The following KIF26B variants were observed in gnomAD, a reference collection of about 807,000 sequenced individuals.
The protein encoded by KIF26B is kinesin-like protein KIF26B.
In KIF26B, 63 loss-of-function variants were observed where a neutral mutation model predicts 151.2. The observed-to-expected ratio is 0.42, with a 90% CI of 0.34 to 0.51. The LOEUF (loss-of-function observed/expected upper bound fraction) is 0.51. Ranked by LOEUF, KIF26B falls within the 20% of genes least tolerant of loss-of-function variation. The pLI is 0.07. For missense variants in KIF26B, 2,813 were observed against 2,913.6 expected, an observed-to-expected ratio of 0.97 and a Z score of 0.79; for synonymous variants, 1,357 against 1,262.1, an observed-to-expected ratio of 1.08 and a Z score of -1.59.
At chr1:245,532,098 C>A (rs901687000) in intron 4 of KIF26B, among the ~76,000 whole-genome samples, 1 of 152,006 alleles carries the variant, frequency 6.6e-6, no homozygotes, top group Non-Finnish European at 1.5e-5. Context: ...AAGAAAAAAA[C>A]AAAGCAAACA....
chr1:245,323,642 C>G (rs180673393), intron 2 of KIF26B, among the ~76,000 whole-genome samples: 45 of 152,270 alleles, frequency 3.0e-4, no homozygotes, highest in Non-Finnish European at 4.1e-4. Context: ...AAGTGCCACT[C>G]CAATTTTTAG....
intron 3 of KIF26B, among the ~76,000 whole-genome samples, chr1:245,373,536 A>G (rs2103013839): frequency 6.6e-6 from 1 of 152,300 alleles, no homozygotes; most frequent in Non-Finnish European, 1.5e-5. Context: ...CAAGTAATAA[A>G]TCCATAGTGG....
chr1:245,414,002 A>G (rs2795071), intron 3 of KIF26B, among the ~76,000 whole-genome samples: 96,195 of 152,134 alleles, frequency 0.63, 30,966 homozygotes, highest in Middle Eastern at 0.69. Context: ...ACAGGTGACC[A>G]CCTCAGGACT....
At chr1:245,169,279 G>C (rs568402943) in intron 2 of KIF26B, among the ~76,000 whole-genome samples, 1 of 150,196 alleles carries the variant, frequency 6.7e-6, no homozygotes, top group African/African-American at 2.5e-5. Context: ...TTCTCCTCTT[G>C]TTCTTTGCCC....
intron 4 of KIF26B, among the ~76,000 whole-genome samples, chr1:245,486,177 T>C (rs1351256520): frequency 6.6e-6 from 1 of 152,276 alleles, no homozygotes; most frequent in Non-Finnish European, 1.5e-5. Flanking sequence ...TTTAGGCTTC[T>C]TTCGTAATAG....
chr1:245,520,664 T>C (rs947054813), intron 4 of KIF26B, among the ~76,000 whole-genome samples: 1 of 142,730 alleles, frequency 7.0e-6, no homozygotes. Context: ...ATCCATCCAT[T>C]CTGTAAGTGT....
Position 245,522,036 on chromosome 1 carries a change from A to AT in KIF26B, c.1167-18725dup, listed in dbSNP as rs554807263. 3.5e-4 allele frequency among the ~76,000 whole-genome samples: 53 copies of AT among 151,760 alleles called. No individual in the cohort carries two copies. In the South Asian group the frequency reaches 8.4e-3, roughly 24 times the overall value. On this transcript the variant is annotated intron_variant, in intron 4 of 14. Coordinates refer to ENST00000407071, the MANE Select transcript of KIF26B (RefSeq NM_018012.4). ...AGGCACCCGCCACCATGCCCGGCTA[A>AT]TTTTTTGTATTTTTAGTAGAGACGG...
At chr1:245,633,560 GGTGGTAGTTATT>G in intron 9 of KIF26B, among the ~76,000 whole-genome samples, 1 of 151,846 alleles carries the variant, frequency 6.6e-6, no homozygotes, top group Admixed American at 6.6e-5. Flanking sequence ...GTATTCTCAC[GGTGGTAGTTATT>G]GTCCTTTTGC....
chr1:245,222,887 TCAAA>T (rs958193392), intron 2 of KIF26B, among the ~76,000 whole-genome samples: 1 of 152,238 alleles, frequency 6.6e-6, no homozygotes, highest in African/African-American at 2.4e-5. Flanking sequence ...ATGAAAAATT[TCAAA>T]CATTCAGTAA....
intron 10 of KIF26B, among the ~76,000 whole-genome samples, chr1:245,679,413 AT>A (rs2044398691): frequency 8.5e-6 from 1 of 118,108 alleles, no homozygotes; most frequent in Admixed American, 8.4e-5. Flanking sequence ...TTAAAAAGAC[AT>A]TTTTCTAAAA....
intron 2 of KIF26B, among the ~76,000 whole-genome samples, chr1:245,330,498 G>A (rs1197743204): frequency 7.5e-5 from 1 of 13,308 alleles, no homozygotes; most frequent in African/African-American, 4.9e-4. Flanking sequence ...GGGAGTGGGG[G>A]GAGAGTGGGG....
rs2103515007 is a variant in KIF26B at position 245,156,401 on chromosome 1, A to G, written c.183A>G (p.Ser61=). The G allele has an allele frequency of 1.3e-6, 2 of 1,537,078 alleles. No homozygotes were observed. Among genetic ancestry groups the G allele is most frequent in the South Asian group, 2.4e-5 (2 of 83,558 alleles). ...GSRPTPEGAG[S]ALGSSGTPSP... ...GGCCCACTCCTGAGGGCGCGGGCTC[A>G]GCGCTCGGCTCCTCGGGGACCCCGT... The change falls in exon 2 of 15, where the codon TCA becomes TCG. Residue 61 remains serine (S), a synonymous_variant. Coordinates refer to ENST00000407071, the MANE Select transcript of KIF26B (RefSeq NM_018012.4).
Position 245,166,549 on chromosome 1 carries a change from C to T in KIF26B, c.465+9866C>T, listed in dbSNP as rs950671413. On this transcript the variant is annotated intron_variant, in intron 2 of 14. Transcript: ENST00000407071. The surrounding 1 kb of genome is among the most constrained non-coding windows in gnomAD (Gnocchi z 4.5). ...AATCCCTTCTTTAAGCCCGGCCCCT[C>T]TCGTAGCCCCTCCAGGGAGACTTGC... Among the ~76,000 whole-genome samples, 3 of 152,184 alleles carry T rather than the reference C, an allele frequency of 2.0e-5. No homozygotes were observed. The highest frequency in any genetic ancestry group is 7.2e-5 in the African/African-American group (3 of 41,452).
chr1:245,675,640 A>G (rs1208117451), intron 10 of KIF26B, among the ~76,000 whole-genome samples: 5 of 152,186 alleles, frequency 3.3e-5, no homozygotes, highest in Admixed American at 3.3e-4. Context: ...CTGAAGAGCA[A>G]TGGAAGGAAC....
chr1:245,441,184 A>G (rs1331248651), intron 4 of KIF26B, among the ~76,000 whole-genome samples: 1 of 152,160 alleles, frequency 6.6e-6, no homozygotes, highest in Non-Finnish European at 1.5e-5. Context: ...CACCGTAATT[A>G]AGAGGGGTGT....
intron 3 of KIF26B, among the ~76,000 whole-genome samples, chr1:245,369,168 T>TGAGAGAGAGAGAGAGAGAGA (rs112848389): frequency 7.4e-6 from 1 of 135,762 alleles, no homozygotes; most frequent in African/African-American, 2.6e-5. Flanking sequence ...AAAAGAAGAG[T>TGAGAGAGAGAGAGAGAGAGA]GAGAGAGAGA....
intron 10 of KIF26B, among the ~76,000 whole-genome samples, chr1:245,659,830 G>A (rs1263410834): frequency 6.6e-6 from 1 of 151,868 alleles, no homozygotes; most frequent in Non-Finnish European, 1.5e-5. Context: ...TTTGAGGTGA[G>A]GAGTTTAAGA....
rs548422038 is a variant in KIF26B, at chr1:245,527,524, C to CTTTTTTTTTTTTTTTTTTTTTTTTTTTTT, written c.1167-13216_1167-13215insTTTTTTTTTTTTTTTTTTTTTTTTTTTTT. Among the ~76,000 whole-genome samples the CTTTTTTTTTTTTTTTTTTTTTTTTTTTTT allele has an allele frequency of 1.2e-4, 6 of 50,722 alleles. 2 individuals are homozygous for CTTTTTTTTTTTTTTTTTTTTTTTTTTTTT. The highest frequency in any genetic ancestry group is 4.9e-4 in the African/African-American group (5 of 10,212). The allele number at this position is 50,722 out of a possible 152,430, so 33.3% of individuals were successfully genotyped here. ...TCATTTATATCTGGCTTTGGGATGG[C>CTTTTTTTTTTTTTTTTTTTTTTTTTTTTT]TTTTTTTTTTTTTTTTTTTTTTTTT... On this transcript the variant is annotated intron_variant, in intron 4 of 14. Transcript: ENST00000407071.
In KIF26B at chr1:245,611,886, G is replaced by C. The variant is rs1572157361; in HGVS notation, c.2008G>C (p.Asp670His). 6.2e-7 allele frequency: 1 copy of C among 1,613,208 alleles called. No homozygotes were observed. The highest frequency in any genetic ancestry group is 1.3e-5 in the African/African-American group (1 of 74,750). Residue 670 changes from aspartate to histidine, a missense_variant, in exon 9 of 15, where the codon GAC (aspartate) becomes CAC (histidine). Asp to His is a moderately conservative substitution (Grantham distance 81). Around this residue, in one of 3 missense-constraint regions of KIF26B, gnomAD observed 2,060 missense variants for 2,088.6 expected, o/e 0.99. Coordinates refer to ENST00000407071, the MANE Select transcript of KIF26B (RefSeq NM_018012.4). Reference sequence around the variant, plus strand: ...TGCCTCCCGCAGGAGCCACCAACAGGACTGTGATGAGGACGACCACCGCAA... The same window carrying C: ...TGCCTCCCGCAGGAGCCACCAACAGCACTGTGATGAGGACGACCACCGCAA... The part of the protein sequence containing the change: ...AIASRRSHQQ[D>H]CDEDDHRNSH...
Sources: allele counts gnomAD v4.1 joint callset (sites outside exome capture counted in the v4.1 genomes callset), GRCh38; gene constraint gnomAD v4.1.1; regional missense constraint gnomAD v4.1.1; non-coding constraint Gnocchi (gnomAD v3.1); transcripts MANE v1.5; gene names NCBI Gene and HGNC (gene_info 2026-07-23, HGNC 2026-07-21).